The following LEKR1 variants were observed in gnomAD, a reference collection of about 807,000 sequenced individuals.
LEKR1 encodes protein LEKR1.
A neutral mutation model predicts 72.4 loss-of-function variants in LEKR1; 59 were observed. The ratio of observed to expected loss-of-function variants is 0.82; its 90% CI spans 0.66 to 1.01. The LOEUF (loss-of-function observed/expected upper bound fraction) is 1.01. LEKR1 is among the 50% of genes least tolerant of loss of function. The pLI is 0.00. For synonymous variants in LEKR1, 257 were observed against 263.2 expected, an observed-to-expected ratio of 0.98 and a Z score of 0.23; for missense variants, 728 against 759.2, an observed-to-expected ratio of 0.96 and a Z score of 0.48.
At chr3:156,826,613 CG>C (rs1385256526) in intron 1 of LEKR1, 1 of 155,560 alleles carries the variant, frequency 6.4e-6, no homozygotes, top group African/African-American at 2.4e-5. Flanking sequence ...CCGGGGAACG[CG>C]CGGCTCTGCT....
At chr3:156,838,389 A>C (rs1713440407) in intron 2 of LEKR1, among the ~76,000 whole-genome samples, 1 of 152,340 alleles carries the variant, frequency 6.6e-6, no homozygotes, top group South Asian at 2.1e-4. Context: ...AGGATTCCTA[A>C]CCAAAAATTT....
chr3:157,037,087 A>G (rs1419671514), intron 12 of LEKR1, among the ~76,000 whole-genome samples: 2 of 152,190 alleles, frequency 1.3e-5, no homozygotes, highest in Non-Finnish European at 2.9e-5. Flanking sequence ...GAGGAGCAGC[A>G]TCTGTTGGGA....
At position 156,990,251 on chromosome 3, in the gene LEKR1, T is replaced by C. The variant is rs141728978; in HGVS notation, c.828-2402T>C. On this transcript the variant is annotated intron_variant, in intron 7 of 12. Coordinates refer to ENST00000356539, the MANE Select transcript of LEKR1 (RefSeq NM_001004316.3). ...ATGTATTCTTAGCCAGAAAACCACA[T>C]AGGGGGTGATGTGTCCTCAGGGCAT... 2.5e-3 allele frequency among the ~76,000 whole-genome samples: 382 copies of C among 152,218 alleles called. 4 individuals are homozygous for C. Among genetic ancestry groups the C allele is most frequent in the African/African-American group, 8.7e-3 (361 of 41,528 alleles).
At chr3:156,961,924 T>C (rs1273316386) in intron 6 of LEKR1, among the ~76,000 whole-genome samples, 1 of 152,182 alleles carries the variant, frequency 6.6e-6, no homozygotes, top group East Asian at 1.9e-4. Context: ...AACCAAATGA[T>C]TATATTTAGT....
At chr3:156,880,028 C>T (rs1719097010) in intron 3 of LEKR1, among the ~76,000 whole-genome samples, 1 of 152,128 alleles carries the variant, frequency 6.6e-6, no homozygotes, top group Non-Finnish European at 1.5e-5. Flanking sequence ...GGGGAGAAGC[C>T]CCAACACAGA....
intron 1 of LEKR1, among the ~76,000 whole-genome samples, chr3:156,828,469 T>TAACTCATGGTCCCCAG: frequency 6.6e-6 from 1 of 152,126 alleles, no homozygotes; most frequent in South Asian, 2.1e-4. Context: ...CTCTTGTCTA[T>TAACTCATGGTCCCCAG]GCCTTCTTCC....
chr3:156,859,401 C>T (rs530168534), intron 3 of LEKR1, among the ~76,000 whole-genome samples: 1 of 152,208 alleles, frequency 6.6e-6, no homozygotes, highest in South Asian at 2.1e-4. Context: ...TGTATCTTTA[C>T]ACTTCACAAC....
At chr3:156,954,117 G>A (rs1163745848) in intron 6 of LEKR1, among the ~76,000 whole-genome samples, 1 of 151,968 alleles carries the variant, frequency 6.6e-6, no homozygotes, top group South Asian at 2.1e-4. Context: ...TAATGATCAT[G>A]ATGATGAGCT....
At chr3:157,006,535 A>G (rs1005152527) in intron 9 of LEKR1, among the ~76,000 whole-genome samples, 18 of 152,228 alleles carry the variant, frequency 1.2e-4, no homozygotes, top group African/African-American at 4.3e-4. Context: ...CCATATATCA[A>G]TACAAAAACT....
intron 10 of LEKR1, among the ~76,000 whole-genome samples, chr3:157,022,398 G>A (rs1733905509): frequency 1.3e-5 from 2 of 152,192 alleles, no homozygotes; most frequent in South Asian, 4.1e-4. Context: ...AGGCTGTTCA[G>A]GAAGTGATGG....
At chr3:156,855,938 C>A (rs74586854) in intron 3 of LEKR1, among the ~76,000 whole-genome samples, 1 of 152,066 alleles carries the variant, frequency 6.6e-6, no homozygotes, top group Non-Finnish European at 1.5e-5. Flanking sequence ...AATTCCACCC[C>A]CTTAGCCTGA....
At chr3:156,993,548 A>G (rs1195522335) in intron 9 of LEKR1, among the ~76,000 whole-genome samples, 1 of 148,670 alleles carries the variant, frequency 6.7e-6, no homozygotes, top group Non-Finnish European at 1.5e-5. Context: ...TTCTTGAAAA[A>G]AAAAAAAATC....
intron 7 of LEKR1, among the ~76,000 whole-genome samples, chr3:156,992,036 G>A (rs1731177665): frequency 6.6e-6 from 1 of 152,194 alleles, no homozygotes; most frequent in Non-Finnish European, 1.5e-5. Context: ...CTCAATCTCA[G>A]TTCAGTTCTT....
At chr3:156,966,577 G>A (rs909851232) in intron 6 of LEKR1, among the ~76,000 whole-genome samples, 2 of 152,186 alleles carry the variant, frequency 1.3e-5, no homozygotes, top group Non-Finnish European at 2.9e-5. Flanking sequence ...AGTGAGGCTG[G>A]GGGAGGGGTG....
chr3:156,954,194 A>G (rs544915457), intron 6 of LEKR1, among the ~76,000 whole-genome samples: 3 of 151,834 alleles, frequency 2.0e-5, no homozygotes, highest in East Asian at 3.9e-4. Flanking sequence ...TTCTTTGCCT[A>G]CTTTTTAATG....
intron 12 of LEKR1, among the ~76,000 whole-genome samples, chr3:157,030,381 C>T (rs1054285336): frequency 7.9e-5 from 12 of 152,090 alleles, no homozygotes; most frequent in African/African-American, 1.9e-4. Flanking sequence ...GTGCCAGGCA[C>T]GTGTTAGATA....
rs73873779 is a variant in LEKR1 at position 157,045,490 on chromosome 3, C to T, written c.1819C>T (p.Leu607=). Residue 607 remains leucine, a synonymous_variant, in exon 13 of 13, where the codon CTA becomes TTA. Transcript: ENST00000356539. The part of the protein sequence containing the change: ...FSPCSLSKGS[L]TSPAAAVSNH... Reference sequence around the variant, plus strand: ...ACCGTGTTCCCTCAGCAAGGGCAGCCTAACCTCCCCTGCTGCAGCAGTCAG... The same window carrying T: ...ACCGTGTTCCCTCAGCAAGGGCAGCTTAACCTCCCCTGCTGCAGCAGTCAG... 72,893 of 1,613,976 alleles carry T rather than the reference C, an allele frequency of 0.045. 9,012 individuals carry two copies. The highest frequency in any genetic ancestry group is 0.42 in the African/African-American group (31,344 of 74,914).
chr3:156,988,771 C>G (rs1481433331), intron 7 of LEKR1: 2 of 167,644 alleles, frequency 1.2e-5, no homozygotes, highest in Non-Finnish European at 2.7e-5. Context: ...AACTCTAGTC[C>G]ATTTTTCTAA....
At chr3:157,019,429 TC>T (rs1402283551) in intron 10 of LEKR1, among the ~76,000 whole-genome samples, 1 of 152,208 alleles carries the variant, frequency 6.6e-6, no homozygotes, top group South Asian at 2.1e-4. Context: ...TCTGGAGTCA[TC>T]CGGTGGCCTT....
Sources: gnomAD v4.1 joint callset for allele counts (sites outside exome capture counted in the v4.1 genomes callset) on GRCh38, gnomAD v4.1.1 for gene constraint, MANE v1.5 for transcripts, NCBI Gene and HGNC (gene_info 2026-07-23, HGNC 2026-07-21) for gene names.